Variants in CRTC1 observed in about 807,000 individuals in gnomAD.
The protein encoded by CRTC1 is CREB regulated transcription coactivator 1.
A neutral mutation model predicts 66.1 loss-of-function variants in CRTC1; 18 were observed. That is an observed-to-expected ratio of 0.27 (90% CI 0.19 to 0.40). CRTC1 has a LOEUF of 0.40. Ranked by LOEUF, CRTC1 falls within the 10% of genes least tolerant of loss-of-function variation. The pLI, the probability that CRTC1 is intolerant of heterozygous loss-of-function variation, is 1.00. For missense variants in CRTC1, 669 were observed against 887.9 expected, an observed-to-expected ratio of 0.75 and a Z score of 3.13; for synonymous variants, 416 against 398.8, an observed-to-expected ratio of 1.04 and a Z score of -0.51.
chr19:18,704,137 T>A (rs904246826), intron 1 of CRTC1, among the ~76,000 whole-genome samples: 1 of 152,232 alleles, frequency 6.6e-6, no homozygotes, highest in Non-Finnish European at 1.5e-5. Flanking sequence ...TCTTTTTTTA[T>A]ATTTAAAATA....
intron 8 of CRTC1, among the ~76,000 whole-genome samples, chr19:18,763,401 G>A (rs1231924916): frequency 3.3e-5 from 5 of 152,136 alleles, no homozygotes; most frequent in Non-Finnish European, 7.4e-5. Context: ...GTGCCTGGCC[G>A]ACGGTATTCA....
chr19:18,745,369 G>T (rs1408601793), intron 2 of CRTC1, among the ~76,000 whole-genome samples: 1 of 152,216 alleles, frequency 6.6e-6, no homozygotes, highest in East Asian at 1.9e-4. Context: ...TCCTGGGCTG[G>T]AAGCCCCTGG....
rs756488972 is a variant in CRTC1, at chr19:18,745,862, A to G, written c.283A>G (p.Thr95Ala). The G allele has an allele frequency of 6.2e-7, 1 of 1,613,608 alleles. No individual in the cohort carries two copies. The highest frequency in any genetic ancestry group is 8.5e-7 in the Non-Finnish European group (1 of 1,179,920). ...QSSGLDTSRT[T>A]RHHGLVDRVY... ...CTCGGGCCTGGACACCAGCCGGACC[A>G]CCCGGCACCATGGGCTGGTGGACAG... The change falls in exon 3 of 14, where the codon ACC (threonine) becomes GCC (alanine). Residue 95 changes from threonine (T) to alanine (A), a missense_variant. By Grantham distance (58) the Thr-to-Ala change is moderately conservative. Coordinates refer to ENST00000321949, the MANE Select transcript of CRTC1 (RefSeq NM_015321.3).
At chr19:18,748,311 C>T (rs970490462) in intron 4 of CRTC1, among the ~76,000 whole-genome samples, 1 of 149,930 alleles carries the variant, frequency 6.7e-6, no homozygotes, top group Admixed American at 6.7e-5. Flanking sequence ...TGCAATGGCG[C>T]GATCACAGGT....
intron 1 of CRTC1, among the ~76,000 whole-genome samples, chr19:18,738,435 CTG>C (rs1373926305): frequency 1.3e-5 from 2 of 152,178 alleles, no homozygotes; most frequent in African/African-American, 4.8e-5. Context: ...TCAGGGTCAA[CTG>C]TAGTTGGAAA....
At chr19:18,720,507 G>A (rs902800245) in intron 1 of CRTC1, among the ~76,000 whole-genome samples, 9 of 146,964 alleles carry the variant, frequency 6.1e-5, no homozygotes, top group African/African-American at 1.3e-4. Context: ...CTGCCACCAC[G>A]CCCGGCTAAT....
At chr19:18,722,030 C>T (rs1396788583) in intron 1 of CRTC1, among the ~76,000 whole-genome samples, 5 of 152,210 alleles carry the variant, frequency 3.3e-5, no homozygotes, top group Non-Finnish European at 5.9e-5. Context: ...CAGCCGGGGT[C>T]TCAGCAGAGG....
intron 1 of CRTC1, among the ~76,000 whole-genome samples, chr19:18,737,022 C>A (rs6510999): frequency 7.2e-5 from 11 of 151,878 alleles, no homozygotes; most frequent in Non-Finnish European, 1.5e-4. Flanking sequence ...TAGCCACAGG[C>A]GCATTATACT....
chr19:18,706,843 T>C (rs2053278478), intron 1 of CRTC1, among the ~76,000 whole-genome samples: 1 of 152,228 alleles, frequency 6.6e-6, no homozygotes, highest in Non-Finnish European at 1.5e-5. Context: ...TTAGCGCTTT[T>C]TAGTACATTC....
intron 1 of CRTC1, among the ~76,000 whole-genome samples, chr19:18,715,538 A>G (rs769342774): frequency 7.2e-5 from 11 of 152,198 alleles, no homozygotes; most frequent in Non-Finnish European, 1.5e-4. Flanking sequence ...GGACTTGGAC[A>G]TACTTTTCTG....
chr19:18,773,635 A>ACG (rs1310902791), intron 11 of CRTC1, among the ~76,000 whole-genome samples: 1 of 152,178 alleles, frequency 6.6e-6, no homozygotes, highest in Non-Finnish European at 1.5e-5. Flanking sequence ...CCAAGCCGCA[A>ACG]GCTTGCGGTC....
intron 1 of CRTC1, among the ~76,000 whole-genome samples, chr19:18,716,830 G>A (rs1157155497): frequency 6.6e-6 from 1 of 152,156 alleles, no homozygotes; most frequent in African/African-American, 2.4e-5. Context: ...CCAGAATGAG[G>A]ACAGAAGAGG....
intron 1 of CRTC1, among the ~76,000 whole-genome samples, chr19:18,727,580 C>CAAAAAAAAAAAAAAAAA (rs60907638): frequency 1.7e-4 from 9 of 51,792 alleles, no homozygotes; most frequent in African/African-American, 3.3e-4. Flanking sequence ...GACTCTGTCT[C>CAAAAAAAAAAAAAAAAA]AAAAAAAAAA....
chr19:18,743,844 GTTCT>G (rs1440675249), intron 2 of CRTC1, among the ~76,000 whole-genome samples: 1 of 152,244 alleles, frequency 6.6e-6, no homozygotes, highest in Non-Finnish European at 1.5e-5. Flanking sequence ...TGCTGGGCGT[GTTCT>G]TTGTCACAGC....
At chr19:18,690,694 G>C (rs1046386386) in intron 1 of CRTC1, among the ~76,000 whole-genome samples, 1 of 152,144 alleles carries the variant, frequency 6.6e-6, no homozygotes, top group Non-Finnish European at 1.5e-5. Context: ...ATCATCCTGG[G>C]GGGGTGGCCC....
intron 1 of CRTC1, among the ~76,000 whole-genome samples, chr19:18,731,391 G>A (rs2053884828): frequency 1.3e-5 from 2 of 152,126 alleles, no homozygotes; most frequent in South Asian, 4.1e-4. Flanking sequence ...ATTGCCGCTT[G>A]GCCCACTTTC....
Position 18,781,023 on chromosome 19 carries a change from G to A in CRTC1, c.*3641G>A, listed in dbSNP as rs1212863072. On this transcript the variant is annotated 3_prime_UTR_variant, in exon 14 of 14. Transcript: ENST00000321949. ...GGTGGAGTAAGGTCCAGCGGTATTCGGGGGTCCTCTGTCACCTCGCCCTGA... is the reference window on the plus strand; with the variant it reads ...GGTGGAGTAAGGTCCAGCGGTATTCAGGGGTCCTCTGTCACCTCGCCCTGA... The A allele has an allele frequency of 3.1e-5, 7 of 226,228 alleles. No homozygotes were observed. The highest frequency in any genetic ancestry group is 1.8e-4 in the South Asian group (1 of 5,494). 14.0% of individuals were successfully genotyped at this position (226,228 alleles called of 1,614,324 possible).
chr19:18,758,343 G>C (rs1600966427), intron 6 of CRTC1, among the ~76,000 whole-genome samples: 1 of 148,584 alleles, frequency 6.7e-6, no homozygotes, highest in Admixed American at 6.7e-5. Flanking sequence ...CTGAGAGACA[G>C]AGTGAGACTC....
At chr19:18,756,833 C>G (rs2054499464) in intron 6 of CRTC1, among the ~76,000 whole-genome samples, 1 of 152,126 alleles carries the variant, frequency 6.6e-6, no homozygotes, top group African/African-American at 2.4e-5. Flanking sequence ...CCATTAATGT[C>G]TCCATAATGT....
Sources: allele counts gnomAD v4.1 joint callset (sites outside exome capture counted in the v4.1 genomes callset), GRCh38; gene constraint gnomAD v4.1.1; transcripts MANE v1.5; gene names NCBI Gene and HGNC (gene_info 2026-07-23, HGNC 2026-07-21).